IL1RAPL2: variants seen among roughly 807,000 people sequenced by gnomAD.
The protein encoded by IL1RAPL2 is interleukin 1 receptor accessory protein like 2.
Under a neutral mutation model 44.1 loss-of-function variants are expected in IL1RAPL2, and 3 were observed. That is an observed-to-expected ratio of 0.07 (90% CI 0.03 to 0.18). The LOEUF (loss-of-function observed/expected upper bound fraction) is 0.18. IL1RAPL2 is among the 10% of genes least tolerant of loss of function. The pLI is 1.00. For synonymous variants in IL1RAPL2, 181 were observed against 178.8 expected (o/e 1.01, Z -0.10); for missense variants, 391 against 496.4 (o/e 0.79, Z 2.02).
intron 2 of IL1RAPL2, among the ~76,000 whole-genome samples, chrX:104,932,160 A>C (rs1569345261): frequency 9.3e-6 from 1 of 107,663 alleles, no homozygotes; most frequent in East Asian, 2.9e-4. Context: ...CACCACGCCC[A>C]GCTAATTTTT....
chrX:105,050,665 G>A lies in IL1RAPL2; in HGVS notation c.83-144810G>A, dbSNP rs1486430042. Among the ~76,000 whole-genome samples, 17 of 111,814 alleles carry A rather than the reference G, an allele frequency of 1.5e-4. No homozygotes were observed. In the Admixed American group the frequency reaches 1.6e-3, roughly 11 times the overall value. On this transcript the variant is annotated intron_variant, in intron 2 of 10. Coordinates refer to ENST00000372582, the MANE Select transcript of IL1RAPL2 (RefSeq NM_017416.2). ...ACCTTTGCCTGAGTTTTTGTCCTGTGTCCCAGGTCCAGGAAGAATGAGGTA... is the reference window on the plus strand; with the variant it reads ...ACCTTTGCCTGAGTTTTTGTCCTGTATCCCAGGTCCAGGAAGAATGAGGTA...
chrX:104,618,095 T>C (rs775214330), intron 1 of IL1RAPL2, among the ~76,000 whole-genome samples: 7 of 111,916 alleles, frequency 6.3e-5, no homozygotes, highest in Non-Finnish European at 1.1e-4. Context: ...GAATGCTGGG[T>C]AGGATATTTT....
intron 6 of IL1RAPL2, among the ~76,000 whole-genome samples, chrX:105,582,119 C>T (rs957322382): frequency 9.0e-6 from 1 of 111,587 alleles, no homozygotes; most frequent in Non-Finnish European, 1.9e-5. Context: ...ATAAAATTCA[C>T]GTATTTAAGT....
At chrX:105,670,614 T>TAA (rs34969798) in intron 6 of IL1RAPL2, among the ~76,000 whole-genome samples, 10 of 101,599 alleles carry the variant, frequency 9.8e-5, no homozygotes, top group Admixed American at 2.2e-4. Context: ...TGTCTATATC[T>TAA]AAAAAAAAAA....
chrX:104,833,518 GA>G (rs1452060041), intron 2 of IL1RAPL2, among the ~76,000 whole-genome samples: 1 of 111,627 alleles, frequency 9.0e-6, no homozygotes, highest in Non-Finnish European at 1.9e-5. Context: ...CGAGCCTTCT[GA>G]ATCATCCACT....
chrX:104,936,893 A>T (rs1456746384), intron 2 of IL1RAPL2, among the ~76,000 whole-genome samples: 2 of 111,446 alleles, frequency 1.8e-5, no homozygotes, highest in African/African-American at 6.5e-5. Context: ...GGCATGAGCC[A>T]CCGCACCCAA....
intron 2 of IL1RAPL2, among the ~76,000 whole-genome samples, chrX:104,942,048 C>T (rs1436222063): frequency 4.5e-5 from 5 of 111,405 alleles, no homozygotes; most frequent in Non-Finnish European, 7.5e-5. Flanking sequence ...TGTTCTGTTC[C>T]ATTGGTCTGT....
At chrX:104,674,811 C>G (rs1602674253) in intron 2 of IL1RAPL2, among the ~76,000 whole-genome samples, 1 of 111,305 alleles carries the variant, frequency 9.0e-6, no homozygotes, top group Admixed American at 9.5e-5. Flanking sequence ...CAACTTCTTC[C>G]TGGTTTAGTT....
At chrX:105,127,973 A>G (rs982908424) in intron 2 of IL1RAPL2, among the ~76,000 whole-genome samples, 1 of 111,177 alleles carries the variant, frequency 9.0e-6, no homozygotes, top group Non-Finnish European at 1.9e-5. Flanking sequence ...GGGAAATTTT[A>G]TAATACATAT....
At chrX:105,450,730 T>C (rs1231083571) in intron 5 of IL1RAPL2, among the ~76,000 whole-genome samples, 1 of 112,169 alleles carries the variant, frequency 8.9e-6, no homozygotes, top group Admixed American at 9.5e-5. Flanking sequence ...AATAATAATC[T>C]CTTTCATTTT....
chrX:105,617,249 T>G (rs886625312), intron 6 of IL1RAPL2, among the ~76,000 whole-genome samples: 24 of 110,815 alleles, frequency 2.2e-4, no homozygotes, highest in African/African-American at 6.9e-4. Context: ...AATGGCCAAC[T>G]CGATGAGGGA....
chrX:104,852,689 T>A (rs1922258946), intron 2 of IL1RAPL2, among the ~76,000 whole-genome samples: 1 of 111,907 alleles, frequency 8.9e-6, no homozygotes, highest in Admixed American at 9.5e-5. Context: ...AGAAGCTAAG[T>A]AAGGACATGG....
chrX:105,750,956 A>C (rs774597451), intron 9 of IL1RAPL2, among the ~76,000 whole-genome samples: 1 of 111,107 alleles, frequency 9.0e-6, no homozygotes, highest in Admixed American at 9.6e-5. Flanking sequence ...GTGAAGGTAA[A>C]AGATGTATTA....
intron 3 of IL1RAPL2, among the ~76,000 whole-genome samples, chrX:105,212,433 A>AC (rs1556159312): frequency 0.02 from 2,244 of 111,875 alleles, 65 homozygotes; most frequent in African/African-American, 0.07. Flanking sequence ...TGGGCAGGGC[A>AC]TCTCTGAGGG....
chrX:105,452,485 C>T (rs2036026313), intron 5 of IL1RAPL2, among the ~76,000 whole-genome samples: 1 of 111,444 alleles, frequency 9.0e-6, no homozygotes, highest in African/African-American at 3.3e-5. Context: ...CATGAATTTT[C>T]AGCAATTGAC....
intron 6 of IL1RAPL2, among the ~76,000 whole-genome samples, chrX:105,577,790 A>G (rs1252057564): frequency 9.0e-6 from 1 of 110,778 alleles, no homozygotes; most frequent in Non-Finnish European, 1.9e-5. Context: ...CTTTGGTAGT[A>G]CTTACATGGT....
chrX:105,516,592 A>C (rs2036516037), intron 6 of IL1RAPL2, among the ~76,000 whole-genome samples: 1 of 112,109 alleles, frequency 8.9e-6, no homozygotes, highest in Non-Finnish European at 1.9e-5. Context: ...CTAATAAATG[A>C]AAATCTCTTT....
chrX:105,101,708 T>A (rs1470257868), intron 2 of IL1RAPL2, among the ~76,000 whole-genome samples: 1 of 111,654 alleles, frequency 9.0e-6, no homozygotes, highest in Non-Finnish European at 1.9e-5. Flanking sequence ...TCTGTAGGAA[T>A]GGTGTATCCC....
intron 2 of IL1RAPL2, among the ~76,000 whole-genome samples, chrX:105,053,622 CACTT>C (rs1262282177): frequency 1.8e-5 from 2 of 111,685 alleles, no homozygotes; most frequent in Non-Finnish European, 3.8e-5. Flanking sequence ...AGTATGTCCT[CACTT>C]AATATGTTCA....
Sources: gnomAD v4.1 joint callset for allele counts (sites outside exome capture counted in the v4.1 genomes callset) on GRCh38, gnomAD v4.1.1 for gene constraint, MANE v1.5 for transcripts, NCBI Gene and HGNC (gene_info 2026-07-23, HGNC 2026-07-21) for gene names.